The following AGMO variants were observed in gnomAD, a reference collection of about 807,000 sequenced individuals.
The protein encoded by AGMO is alkylglycerol monooxygenase.
Under a neutral mutation model 60.2 loss-of-function variants are expected in AGMO, and 75 were observed. The observed-to-expected ratio is 1.25, with a 90% CI of 1.03 to 1.51. The LOEUF is 1.51. Among genes scored for constraint, AGMO ranks in the 40% most tolerant of loss-of-function variants. AGMO has a pLI of 0.00. For synonymous variants in AGMO, 261 were observed against 177.1 expected (o/e 1.47, Z -3.76); for missense variants, 763 against 525.5 (o/e 1.45, Z -4.42).
At chr7:15,518,282 C>G (rs10255660) in intron 3 of AGMO, among the ~76,000 whole-genome samples, 132,919 of 152,230 alleles carry the variant, frequency 0.87, 58,382 homozygotes, top group East Asian at 0.97. Context: ...TGGCTCTGAA[C>G]AGAGCAGCGG....
At chr7:15,191,949 TCTCA>T in the AGMO span, among the ~76,000 whole-genome samples, 4 of 134,394 alleles carry the variant, frequency 3.0e-5, no homozygotes, top group South Asian at 5.2e-4. Flanking sequence ...AATCTCTCAC[TCTCA>T]CTCTCCCTCT....
intron 3 of AGMO, among the ~76,000 whole-genome samples, chr7:15,457,133 G>A (rs1323911855): frequency 6.6e-6 from 1 of 152,046 alleles, no homozygotes; most frequent in Non-Finnish European, 1.5e-5. Context: ...ATGTTCAAAT[G>A]AAGGTTTGGA....
At chr7:15,120,119 A>G in the AGMO span, among the ~76,000 whole-genome samples, 88 of 152,198 alleles carry the variant, frequency 5.8e-4, no homozygotes, top group African/African-American at 2.1e-3. Context: ...TACCAAAATC[A>G]AAAACAAAAA....
chr7:15,316,867 A>T (rs1780942097), intron 12 of AGMO, among the ~76,000 whole-genome samples: 1 of 152,186 alleles, frequency 6.6e-6, no homozygotes, highest in South Asian at 2.1e-4. Context: ...TTTAGACAGT[A>T]TGTAGACGTC....
downstream of AGMO, among the ~76,000 whole-genome samples, chr7:15,197,008 A>G (rs971946043): frequency 2.4e-4 from 36 of 151,898 alleles, no homozygotes; most frequent in African/African-American, 6.8e-4. Flanking sequence ...AACTGGAGTG[A>G]GATTTGAAAA....
At chr7:15,356,906 G>A (rs973758227) in intron 12 of AGMO, among the ~76,000 whole-genome samples, 5 of 145,690 alleles carry the variant, frequency 3.4e-5, no homozygotes, top group East Asian at 4.0e-4. Flanking sequence ...TCAGGTGTTC[G>A]AGACCAGCCT....
intron 3 of AGMO, among the ~76,000 whole-genome samples, chr7:15,499,055 A>C (rs763693535): frequency 6.6e-6 from 1 of 151,908 alleles, no homozygotes; most frequent in African/African-American, 2.4e-5. Flanking sequence ...TTAACATTGA[A>C]AAACACTTAA....
intron 12 of AGMO, among the ~76,000 whole-genome samples, chr7:15,364,567 C>G (rs906365207): frequency 6.6e-6 from 1 of 151,950 alleles, no homozygotes; most frequent in African/African-American, 2.4e-5. Flanking sequence ...ACAAATAATG[C>G]TGCAAGGAAT....
At chr7:15,496,331 G>A (rs1035894335) in intron 3 of AGMO, among the ~76,000 whole-genome samples, 1 of 152,120 alleles carries the variant, frequency 6.6e-6, no homozygotes, top group Admixed American at 6.5e-5. Flanking sequence ...TATAAAGAGT[G>A]CTGAGAGTAA....
At chr7:15,447,553 C>A (rs565936565) in intron 3 of AGMO, among the ~76,000 whole-genome samples, 11 of 152,022 alleles carry the variant, frequency 7.2e-5, no homozygotes, top group African/African-American at 2.7e-4. Flanking sequence ...CATTTCTTTT[C>A]TTTTTTCTTT....
At chr7:15,478,752 G>A (rs1421140949) in intron 3 of AGMO, among the ~76,000 whole-genome samples, 2 of 152,100 alleles carry the variant, frequency 1.3e-5, no homozygotes, top group Non-Finnish European at 2.9e-5. Context: ...TTGTATTAAA[G>A]CCTGTTCAGG....
chr7:15,122,477 G>A, the AGMO span, among the ~76,000 whole-genome samples: 6 of 152,002 alleles, frequency 3.9e-5, no homozygotes, highest in African/African-American at 1.4e-4. Flanking sequence ...AGATTCATAC[G>A]TTCAATTGCT....
chr7:15,234,545 T>C (rs533104387), intron 12 of AGMO, among the ~76,000 whole-genome samples: 1 of 152,206 alleles, frequency 6.6e-6, no homozygotes, highest in Non-Finnish European at 1.5e-5. Flanking sequence ...GGTTTTGTTT[T>C]GTTTTTGTGT....
intron 12 of AGMO, among the ~76,000 whole-genome samples, chr7:15,305,684 C>T (rs1389626928): frequency 6.6e-6 from 1 of 151,922 alleles, no homozygotes; most frequent in African/African-American, 2.4e-5. Context: ...CTGGATTTTA[C>T]TGTAGACATG....
At chr7:15,141,021 T>G in the AGMO span, among the ~76,000 whole-genome samples, 1 of 152,156 alleles carries the variant, frequency 6.6e-6, no homozygotes, top group African/African-American at 2.4e-5. Flanking sequence ...CTCCCAGGAA[T>G]CAGGGAGCTA....
In AGMO at chr7:15,437,531, C is replaced by CT. The variant is rs201021445; in HGVS notation, c.410-6424dup. Among the ~76,000 whole-genome samples, 514 of 120,566 alleles carry CT rather than the reference C, an allele frequency of 4.3e-3. 1 individual carries two copies. The highest frequency in any genetic ancestry group is 0.022 in the East Asian group (100 of 4,492). 79.1% of individuals were successfully genotyped at this position (120,566 alleles called of 152,430 possible). On this transcript the variant is annotated intron_variant, in intron 3 of 12. Transcript: ENST00000342526. ...TCTGAAGGAGCAACCAAATTTTTTCCTTTTTTTTTTTTTTTTTTTTTGAGA... is the reference window on the plus strand; with the variant it reads ...TCTGAAGGAGCAACCAAATTTTTTCCTTTTTTTTTTTTTTTTTTTTTTGAGA...
chr7:15,465,556 G>A (rs1041155450), intron 3 of AGMO, among the ~76,000 whole-genome samples: 4 of 149,226 alleles, frequency 2.7e-5, no homozygotes, highest in African/African-American at 4.9e-5. Context: ...CAAGTAGCTC[G>A]GACCACAGGC....
At chr7:15,313,882 C>G (rs941038558) in intron 12 of AGMO, among the ~76,000 whole-genome samples, 2 of 152,012 alleles carry the variant, frequency 1.3e-5, no homozygotes, top group African/African-American at 2.4e-5. Context: ...CTCTCTCTCT[C>G]TCTCAAAATA....
Position 15,408,067 on chromosome 7 carries a change from G to A in AGMO, c.609+10491C>T, listed in dbSNP as rs571100848. 5.3e-5 allele frequency among the ~76,000 whole-genome samples: 8 copies of A among 151,956 alleles called. No homozygotes were observed. In the South Asian group the frequency reaches 6.2e-4, roughly 12 times the overall value. Reference sequence around the variant, plus strand: ...GCAGAGGAAGTGGTAATTGGGTTGCGTCATGAAGAATGTTTTAAAAAAGGT... The same window carrying A: ...GCAGAGGAAGTGGTAATTGGGTTGCATCATGAAGAATGTTTTAAAAAAGGT... On this transcript the variant is annotated intron_variant, in intron 5 of 12. Coordinates refer to ENST00000342526, the MANE Select transcript of AGMO (RefSeq NM_001004320.2).
Sources: gnomAD v4.1 joint callset for allele counts (sites outside exome capture counted in the v4.1 genomes callset) on GRCh38, gnomAD v4.1.1 for gene constraint, MANE v1.5 for transcripts, NCBI Gene and HGNC (gene_info 2026-07-23, HGNC 2026-07-21) for gene names.